Variants in LYPD6 observed in about 807,000 individuals in gnomAD.
The protein encoded by LYPD6 is LY6/PLAUR domain containing 6, also known as ly6/PLAUR domain-containing protein 6.
LYPD6 carries 15 observed loss-of-function variants against 22.7 expected under a neutral mutation model. That is an observed-to-expected ratio of 0.66 (90% CI 0.44 to 1.02). LYPD6 has a LOEUF of 1.02. Among genes scored for constraint, LYPD6 ranks in the 50% least tolerant of loss-of-function variants. LYPD6 has a pLI of 0.00. For synonymous variants in LYPD6, 72 were observed against 77.5 expected (o/e 0.93, Z 0.37); for missense variants, 189 against 208.4 (o/e 0.91, Z 0.57).
At chr2:149,467,072 G>A (rs1185070069) in intron 3 of LYPD6, among the ~76,000 whole-genome samples, 1 of 152,192 alleles carries the variant, frequency 6.6e-6, no homozygotes, top group Non-Finnish European at 1.5e-5. Context: ...GAGAGCTGCT[G>A]CCTCTTCTTC....
intron 3 of LYPD6, among the ~76,000 whole-genome samples, chr2:149,449,520 C>T (rs763568533): frequency 9.2e-5 from 14 of 152,132 alleles, no homozygotes; most frequent in Non-Finnish European, 2.1e-4. Context: ...ATAAAGATTC[C>T]ATTGATTACA....
chr2:149,336,915 C>T (rs1681044622), intron 1 of LYPD6, among the ~76,000 whole-genome samples: 2 of 130,436 alleles, frequency 1.5e-5, no homozygotes, highest in African/African-American at 5.6e-5. Flanking sequence ...AAAAGGGCAG[C>T]ATGTTGAAAT....
chr2:149,462,885 A>C (rs1427641953), intron 3 of LYPD6, among the ~76,000 whole-genome samples: 1 of 152,126 alleles, frequency 6.6e-6, no homozygotes, highest in Non-Finnish European at 1.5e-5. Context: ...CACACTTTTT[A>C]CAAAAGTTAA....
intron 1 of LYPD6, among the ~76,000 whole-genome samples, chr2:149,347,018 T>G (rs115257789): frequency 6.6e-6 from 1 of 152,274 alleles, no homozygotes; most frequent in African/African-American, 2.4e-5. Flanking sequence ...GTTGTTTTTC[T>G]CACAATTCTG....
intron 1 of LYPD6, among the ~76,000 whole-genome samples, chr2:149,399,392 T>A (rs1228370712): frequency 1.3e-5 from 2 of 152,166 alleles, no homozygotes; most frequent in Admixed American, 6.5e-5. Flanking sequence ...TTTAATGTCA[T>A]AATAAAAGCA....
chr2:149,342,493 G>A (rs777030393), intron 1 of LYPD6, among the ~76,000 whole-genome samples: 6 of 152,126 alleles, frequency 3.9e-5, no homozygotes, highest in Non-Finnish European at 7.3e-5. Context: ...TATGTTGAAT[G>A]TATTTGATCC....
chr2:149,351,252 G>T (rs1681352909), intron 1 of LYPD6, among the ~76,000 whole-genome samples: 1 of 151,886 alleles, frequency 6.6e-6, no homozygotes, highest in East Asian at 1.9e-4. Context: ...AAATTAAATG[G>T]GTGTGGTGGT....
chr2:149,429,003 T>A (rs1312024842), intron 1 of LYPD6, among the ~76,000 whole-genome samples: 2 of 152,160 alleles, frequency 1.3e-5, no homozygotes, highest in Non-Finnish European at 1.5e-5. Context: ...GTGTTGTTGT[T>A]GTAGTGGTCA....
At chr2:149,392,166 A>C (rs1175595256) in intron 1 of LYPD6, among the ~76,000 whole-genome samples, 4 of 152,088 alleles carry the variant, frequency 2.6e-5, no homozygotes, top group Non-Finnish European at 5.9e-5. Context: ...ATAGGGCACT[A>C]ATCTCATCAT....
intron 1 of LYPD6, among the ~76,000 whole-genome samples, chr2:149,379,695 G>A (rs535401491): frequency 6.6e-6 from 1 of 152,282 alleles, no homozygotes; most frequent in Non-Finnish European, 1.5e-5. Flanking sequence ...ACAGAATAAG[G>A]CAAGGACTAG....
At chr2:149,375,257 G>C (rs1167395434) in intron 1 of LYPD6, among the ~76,000 whole-genome samples, 1 of 152,212 alleles carries the variant, frequency 6.6e-6, no homozygotes, top group Admixed American at 6.5e-5. Context: ...GTGCCCGTGG[G>C]TGGCACTGTG....
intron 1 of LYPD6, among the ~76,000 whole-genome samples, chr2:149,365,034 C>T (rs892583847): frequency 1.3e-5 from 2 of 152,144 alleles, no homozygotes; most frequent in African/African-American, 4.8e-5. Flanking sequence ...ATAGATCAGT[C>T]ACTTTAGGTC....
intron 1 of LYPD6, among the ~76,000 whole-genome samples, chr2:149,401,201 A>C (rs745951695): frequency 9.9e-5 from 15 of 152,176 alleles, no homozygotes; most frequent in Admixed American, 2.6e-4. Flanking sequence ...AATGTACCAC[A>C]TGACCATCAG....
At chr2:149,333,735 G>T (rs905161733) in intron 1 of LYPD6, among the ~76,000 whole-genome samples, 5 of 152,168 alleles carry the variant, frequency 3.3e-5, no homozygotes, top group Admixed American at 2.6e-4. Flanking sequence ...AAATGCTTGG[G>T]ATGGGACCTT....
chr2:149,345,568 G>T (rs1414297350), intron 1 of LYPD6, among the ~76,000 whole-genome samples: 1 of 151,614 alleles, frequency 6.6e-6, no homozygotes, highest in Non-Finnish European at 1.5e-5. Context: ...ACCCACCTCG[G>T]CCTCCCAAAG....
intron 2 of LYPD6, among the ~76,000 whole-genome samples, chr2:149,442,357 G>T (rs1383125722): frequency 6.6e-6 from 1 of 152,142 alleles, no homozygotes; most frequent in Non-Finnish European, 1.5e-5. Flanking sequence ...ATAAATTATG[G>T]TCGGTTGAAC....
At chr2:149,369,544 C>A (rs1260475514) in intron 1 of LYPD6, among the ~76,000 whole-genome samples, 2 of 152,088 alleles carry the variant, frequency 1.3e-5, no homozygotes, top group Admixed American at 1.3e-4. Context: ...TGGTGTCATG[C>A]AATACAAATG....
chr2:149,344,297 G>T (rs1456472406), intron 1 of LYPD6, among the ~76,000 whole-genome samples: 1 of 152,146 alleles, frequency 6.6e-6, no homozygotes, highest in Non-Finnish European at 1.5e-5. Context: ...TTGAGATAGT[G>T]CAAATCTGCA....
intron 1 of LYPD6, among the ~76,000 whole-genome samples, chr2:149,433,039 G>T (rs1248347685): frequency 6.6e-6 from 1 of 152,084 alleles, no homozygotes; most frequent in African/African-American, 2.4e-5. Context: ...CATTATTTTG[G>T]TGTCTATCCT....
Sources: gnomAD v4.1 joint callset for allele counts (sites outside exome capture counted in the v4.1 genomes callset) on GRCh38, gnomAD v4.1.1 for gene constraint, MANE v1.5 for transcripts, NCBI Gene and HGNC (gene_info 2026-07-23, HGNC 2026-07-21) for gene names.